ZNF136: variants seen among roughly 807,000 people sequenced by gnomAD.
The protein encoded by ZNF136 is zinc finger protein 136 (clone pHZ-20).
A neutral mutation model predicts 11.4 loss-of-function variants in ZNF136; 8 were observed. That is an observed-to-expected ratio of 0.70 (90% CI 0.41 to 1.27). ZNF136 has a LOEUF of 1.27. Ranked by LOEUF, ZNF136 falls within the 50% of genes most tolerant of loss-of-function variation. ZNF136 has a pLI of 0.01. For missense variants in ZNF136, 590 were observed against 656.5 expected (o/e 0.90, Z 1.11); for synonymous variants, 190 against 207.1 (o/e 0.92, Z 0.71).
At chr19:12,163,284 C>A in intron 1 of ZNF136, 78 bp downstream of exon 1, 1 of 1,328,420 alleles carries the variant, frequency 7.5e-7, no homozygotes. Flanking sequence ...TGGCGCGGCC[C>A]GGGCCTTCCC....
chr19:12,173,790 C>T (rs903216593), intron 1 of ZNF136, among the ~76,000 whole-genome samples: 12 of 152,150 alleles, frequency 7.9e-5, no homozygotes, highest in African/African-American at 2.4e-4. Flanking sequence ...GGGTCAGTCT[C>T]GTAGGACTGA....
chr19:12,177,953 CA>C (rs1260291561), intron 1 of ZNF136, among the ~76,000 whole-genome samples: 1 of 151,942 alleles, frequency 6.6e-6, no homozygotes, highest in Non-Finnish European at 1.5e-5. Flanking sequence ...ACCAAATATA[CA>C]AAAAATTAGC....
chr19:12,166,235 AAAAG>A (rs1337563676), intron 1 of ZNF136, among the ~76,000 whole-genome samples: 1 of 152,076 alleles, frequency 6.6e-6, no homozygotes, highest in African/African-American at 2.4e-5. Flanking sequence ...CTCAAAAAAA[AAAAG>A]AAAAAAAATT....
chr19:12,164,439 CTTTTTT>C (rs61233117), intron 1 of ZNF136, among the ~76,000 whole-genome samples: 8 of 122,848 alleles, frequency 6.5e-5, no homozygotes, highest in East Asian at 4.7e-4. Flanking sequence ...TCCCAGATAA[CTTTTTT>C]TTTTTTTTTT....
At chr19:12,183,552 T>A (rs6511770) in intron 1 of ZNF136, among the ~76,000 whole-genome samples, 643 of 13,806 alleles carry the variant, frequency 0.047, 9 homozygotes, top group African/African-American at 0.16. Flanking sequence ...TAACTGAATC[T>A]ATCTATCTAT....
At chr19:12,171,840 A>T (rs560430970) in intron 1 of ZNF136, among the ~76,000 whole-genome samples, 90 of 152,122 alleles carry the variant, frequency 5.9e-4, no homozygotes, top group African/African-American at 2.1e-3. Context: ...TAGAGAGTGT[A>T]TATTTAGGGC....
rs142957711 is a variant in ZNF136, at chr19:12,186,705, A to G, written c.327A>G (p.Glu109=). Residue 109 remains glutamate, a synonymous_variant, in exon 4 of 4, where the codon GAA becomes GAG. Coordinates refer to ENST00000343979, the MANE Select transcript of ZNF136 (RefSeq NM_003437.5). Reference sequence around the variant, plus strand: ...TCTGTGAAAGCATTGTATATGGAGAAGTCAGCATGGGTCAGTCATCCCTTA... The same window carrying G: ...TCTGTGAAAGCATTGTATATGGAGAGGTCAGCATGGGTCAGTCATCCCTTA... ...VKLCESIVYG[E]VSMGQSSLNR... 3.1e-6 allele frequency: 5 copies of G among 1,614,046 alleles called. No homozygotes were observed. In the African/African-American group the frequency reaches 6.7e-5, roughly 22 times the overall value.
chr19:12,171,979 T>TC (rs375565900), intron 1 of ZNF136, among the ~76,000 whole-genome samples: 2,431 of 121,154 alleles, frequency 0.02, 46 homozygotes, highest in African/African-American at 0.065. Context: ...TCTCTCTCTC[T>TC]TTTTTTTTTT....
At position 12,185,873 on chromosome 19, in the gene ZNF136, A is replaced by G. The variant is rs1239828586; in HGVS notation, c.92A>G (p.Asp31Gly). Residue 31 changes from aspartate to glycine, a missense_variant, in exon 2 of 4, where the codon GAT (aspartate) becomes GGT (glycine). Coordinates refer to ENST00000343979, the MANE Select transcript of ZNF136 (RefSeq NM_003437.5). ...CCTTCCCAGAAGAATCTCTACAGAG[A>G]TGTGATGTGGGAAACCATGAGGAAT... The part of the protein sequence containing the change: ...LDPSQKNLYR[D>G]VMWETMRNLA... 1 of 1,613,844 alleles carries G rather than the reference A, an allele frequency of 6.2e-7. No individual in the cohort carries two copies. The highest frequency in any genetic ancestry group is 2.2e-5 in the East Asian group (1 of 44,888).
In ZNF136 at chr19:12,185,812, G is replaced by T; in HGVS notation, c.31G>T (p.Val11Leu). 6.2e-7 allele frequency: 1 copy of T among 1,613,920 alleles called. No homozygotes were observed. The change falls in exon 2 of 4, where the codon GTG (valine) becomes TTG (leucine). Residue 11 changes from valine (V) to leucine (L), a missense_variant. Coordinates refer to ENST00000343979, the MANE Select transcript of ZNF136 (RefSeq NM_003437.5). Reference sequence around the variant, plus strand: ...CTCGGTGGCTTTTGAGGATGTAGATGTGAACTTCACCCAGGAGGAGTGGGC... The same window carrying T: ...CTCGGTGGCTTTTGAGGATGTAGATTTGAACTTCACCCAGGAGGAGTGGGC... MDSVAFEDVD[V>L]NFTQEEWALL...
At chr19:12,184,071 G>T (rs1171005193) in intron 1 of ZNF136, among the ~76,000 whole-genome samples, 1 of 150,712 alleles carries the variant, frequency 6.6e-6, no homozygotes, top group Non-Finnish European at 1.5e-5. Context: ...TTTGGGTCCA[G>T]CCTGGCCAAC....
At chr19:12,179,003 AGAAAG>A (rs1241616823) in intron 1 of ZNF136, among the ~76,000 whole-genome samples, 1 of 150,686 alleles carries the variant, frequency 6.6e-6, no homozygotes, top group African/African-American at 2.5e-5. Context: ...AAGAAAAAAA[AGAAAG>A]AAAGAAAAAA....
At chr19:12,180,091 C>T (rs1004270397) in intron 1 of ZNF136, among the ~76,000 whole-genome samples, 1 of 152,140 alleles carries the variant, frequency 6.6e-6, no homozygotes, top group African/African-American at 2.4e-5. Flanking sequence ...TGGTCTTGAT[C>T]TCCTGACCTC....
intron 1 of ZNF136, among the ~76,000 whole-genome samples, chr19:12,169,948 C>T (rs1268981689): frequency 6.6e-6 from 1 of 152,162 alleles, no homozygotes; most frequent in African/African-American, 2.4e-5. Flanking sequence ...GCGCCTGCCA[C>T]CACGTCCGGC....
intron 1 of ZNF136, chr19:12,185,573 C>G: frequency 1.8e-6 from 1 of 540,690 alleles, no homozygotes; most frequent in Non-Finnish European, 3.1e-6. Flanking sequence ...CAACCACCAC[C>G]AAGAAAGATG....
chr19:12,168,391 C>A (rs1914544708), intron 1 of ZNF136, among the ~76,000 whole-genome samples: 1 of 151,830 alleles, frequency 6.6e-6, no homozygotes, highest in Non-Finnish European at 1.5e-5. Context: ...CGTTTTTGAT[C>A]ACAGTAAAGG....
intron 3 of ZNF136, 30 bp downstream of exon 3, chr19:12,186,204 C>T: frequency 6.3e-7 from 1 of 1,592,330 alleles, no homozygotes; most frequent in Non-Finnish European, 8.5e-7. Context: ...AGCAAATTCA[C>T]TTGAAAGTAC....
chr19:12,170,130 G>A (rs1477513896), intron 1 of ZNF136, among the ~76,000 whole-genome samples: 4 of 149,620 alleles, frequency 2.7e-5, no homozygotes, highest in Non-Finnish European at 6.0e-5. Flanking sequence ...GGGTTTCGCT[G>A]TGTTAGCCAG....
rs773292409 is a variant in ZNF136 at position 12,186,635 on chromosome 19, A to G, written c.257A>G (p.Gln86Arg). Residue 86 changes from glutamine (Q) to arginine (R), a missense_variant, in exon 4 of 4, where the codon CAG becomes CGG. Physicochemically the swap from Gln to Arg is conservative, Grantham distance 43 (BLOSUM62 1). Transcript: ENST00000343979. ...DGSQRGGIFS[Q>R]FANQNLSKKI... Reference sequence around the variant, plus strand: ...AGTCAGCGTGGAGGAATTTTTAGCCAGTTTGCAAATCAGAATCTGAGCAAG... The same window carrying G: ...AGTCAGCGTGGAGGAATTTTTAGCCGGTTTGCAAATCAGAATCTGAGCAAG... 6.2e-7 allele frequency: 1 copy of G among 1,614,042 alleles called. No individual in the cohort carries two copies. Among genetic ancestry groups the G allele is most frequent in the South Asian group, 1.1e-5 (1 of 91,092 alleles).
Sources: allele counts gnomAD v4.1 joint callset (sites outside exome capture counted in the v4.1 genomes callset), GRCh38; gene constraint gnomAD v4.1.1; transcripts MANE v1.5; gene names NCBI Gene and HGNC (gene_info 2026-07-23, HGNC 2026-07-21).